Variants in FMO5 observed in about 807,000 individuals in gnomAD.
FMO5 encodes flavin-containing monooxygenase 5.
Under a neutral mutation model 43.6 loss-of-function variants are expected in FMO5, and 51 were observed. That is an observed-to-expected ratio of 1.17 (90% CI 0.93 to 1.48). The LOEUF (loss-of-function observed/expected upper bound fraction) is 1.48, where lower values mean the gene tolerates loss of function less well. Ranked by LOEUF, FMO5 falls within the 40% of genes most tolerant of loss-of-function variation. The pLI is 0.00. For missense variants in FMO5, 644 were observed against 643.0 expected (o/e 1.00, Z -0.02); for synonymous variants, 187 against 216.5 (o/e 0.86, Z 1.20).
chr1:147,208,961 T>G lies in FMO5; in HGVS notation c.721A>C (p.Thr241Pro), dbSNP rs782348340. The G allele has an allele frequency of 6.2e-7, 1 of 1,613,982 alleles. No homozygotes were observed. The highest frequency in any genetic ancestry group is 1.1e-5 in the South Asian group (1 of 91,084). ...PADVLFSSRL[T>P]HFIWKICGQS... is the part of the protein sequence containing the mutation. ...CCACAGATCTTCCATATAAAATGTGTAAGTCGAGAAGAGAACAACACATCA... is the reference window on the plus strand; with the variant it reads ...CCACAGATCTTCCATATAAAATGTGGAAGTCGAGAAGAGAACAACACATCA... The change falls in exon 6 of 9, where the codon ACA becomes CCA. Residue 241 changes from threonine to proline, a missense_variant. Transcript: ENST00000254090.
chr1:147,224,927 T>C lies in FMO5; in HGVS notation c.103A>G (p.Thr35Ala). 1.2e-6 allele frequency: 2 copies of C among 1,614,050 alleles called. No homozygotes were observed. The highest frequency in any genetic ancestry group is 1.7e-6 in the Non-Finnish European group (2 of 1,179,996). The change falls in exon 2 of 9, where the codon ACT becomes GCT. Residue 35 changes from threonine (T) to alanine (A), a missense_variant. Transcript: ENST00000254090. ...EGLEPVCFER[T>A]DDIGGLWRFQ... Reference sequence around the variant, plus strand: ...CTCCAGAGCCCTCCGATGTCATCAGTCCTTTCAAAGCAGACAGGTTCCAAG... The same window carrying C: ...CTCCAGAGCCCTCCGATGTCATCAGCCCTTTCAAAGCAGACAGGTTCCAAG...
At chr1:147,185,186 T>C (rs1553916801), downstream of FMO5, among the ~76,000 whole-genome samples, 1 of 151,640 alleles carries the variant, frequency 6.6e-6, no homozygotes. Context: ...TTTTTTTTTG[T>C]AACCTTGCAT....
At chr1:147,220,578 G>A (rs1420941348) in intron 2 of FMO5, among the ~76,000 whole-genome samples, 2 of 152,222 alleles carry the variant, frequency 1.3e-5, no homozygotes, top group Non-Finnish European at 2.9e-5. Flanking sequence ...ACTTTACAGT[G>A]TGGCAAAAAC....
chr1:147,192,549 T>C (rs1463152661), intron 7 of FMO5, among the ~76,000 whole-genome samples: 2 of 151,858 alleles, frequency 1.3e-5, no homozygotes, highest in African/African-American at 4.9e-5. Context: ...CAACACTCTG[T>C]TGAATAGGAG....
intron 5 of FMO5, chr1:147,210,006 TATC>T (rs1443651701): frequency 6.6e-6 from 1 of 152,248 alleles, no homozygotes; most frequent in African/African-American, 2.4e-5. Context: ...CACAGCAGAT[TATC>T]ATCACTTCCA....
intron 2 of FMO5, among the ~76,000 whole-genome samples, chr1:147,222,011 C>T (rs1239392362): frequency 2.0e-5 from 3 of 152,214 alleles, no homozygotes; most frequent in Non-Finnish European, 4.4e-5. Context: ...TCTCTACAAA[C>T]TCTATACACT....
intron 8 of FMO5, 121 bp downstream of exon 8, chr1:147,190,056 T>C (rs782740628): frequency 2.5e-5 from 16 of 631,024 alleles, no homozygotes; most frequent in Non-Finnish European, 3.2e-5. Flanking sequence ...TTTTCCTTTT[T>C]TCTTCATAAT....
At position 147,209,043 on chromosome 1, in the gene FMO5, G is replaced by A. The variant is rs781996202; in HGVS notation, c.639C>T (p.Leu213=). The change falls in exon 6 of 9, where the codon CTC becomes CTT. Residue 213 remains leucine (L), a synonymous_variant. Transcript: ENST00000254090. ...GGATCCAAGCCCCTCTCCTGGTGCTGAGGAAAACCTGGGGCATGGAAGAAA... is the reference window on the plus strand; with the variant it reads ...GGATCCAAGCCCCTCTCCTGGTGCTAAGGAAAACCTGGGGCATGGAAGAAA... ...EISQTAKQVF[L]STRRGAWILN... 4 of 1,613,404 alleles carry A rather than the reference G, an allele frequency of 2.5e-6. No homozygotes were observed. The highest frequency in any genetic ancestry group is 3.3e-5 in the Admixed American group (2 of 59,924).
chr1:147,186,894 G>C lies in FMO5; in HGVS notation c.*6C>G, dbSNP rs1553917174. On this transcript the variant is annotated 3_prime_UTR_variant, in exon 9 of 9. Coordinates refer to ENST00000254090, the MANE Select transcript of FMO5 (RefSeq NM_001461.4). The stretch of plus-strand genomic sequence containing the variant: ...AATGAAAAACAGGGCAGTGACAATA[G>C]GACAACTAGAAGTAAGCTATAATTA... The C allele has an allele frequency of 6.2e-7, 1 of 1,606,852 alleles. No homozygotes were observed. Among genetic ancestry groups the C allele is most frequent in the Admixed American group, 1.7e-5 (1 of 59,640 alleles).
intron 7 of FMO5, among the ~76,000 whole-genome samples, chr1:147,194,918 T>C (rs1217459637): frequency 6.6e-6 from 1 of 152,036 alleles, no homozygotes; most frequent in African/African-American, 2.4e-5. Context: ...TAACCCGACC[T>C]TTCTCTCTGG....
chr1:147,209,012 G>T lies in FMO5; in HGVS notation c.670C>A (p.Arg224Ser), dbSNP rs782619685. The T allele has an allele frequency of 1.2e-6, 2 of 1,613,972 alleles. No individual in the cohort carries two copies. Among genetic ancestry groups the T allele is most frequent in the African/African-American group, 1.3e-5 (1 of 74,924 alleles). The change falls in exon 6 of 9, where the codon CGT (arginine) becomes AGT (serine). Residue 224 changes from arginine to serine, a missense_variant. Coordinates refer to ENST00000254090, the MANE Select transcript of FMO5 (RefSeq NM_001461.4). The stretch of plus-strand genomic sequence containing the variant: ...GCAGGATATCCGTAGTCCCCTACAC[G>T]ATTCAGGATCCAAGCCCCTCTCCTG... ...STRRGAWILN[R>S]VGDYGYPADV...
Position 147,212,539 on chromosome 1 carries a change from C to T in FMO5, c.488-4G>A. Reference sequence around the variant, plus strand: ...TGCCCTTTGAACTTCTCAATTCCTGCAAGAGAAGGGAAAATAATTATTGGG... The same window carrying T: ...TGCCCTTTGAACTTCTCAATTCCTGTAAGAGAAGGGAAAATAATTATTGGG... On this transcript the variant is annotated splice_region_variant and splice_polypyrimidine_tract_variant and intron_variant, in intron 4 of 8. Transcript: ENST00000254090. 1 of 1,609,226 alleles carries T rather than the reference C, an allele frequency of 6.2e-7. No homozygotes were observed. The highest frequency in any genetic ancestry group is 8.5e-7 in the Non-Finnish European group (1 of 1,177,990).
intron 7 of FMO5, among the ~76,000 whole-genome samples, chr1:147,191,529 T>C (rs1553918474): frequency 7.0e-6 from 1 of 143,818 alleles, no homozygotes; most frequent in East Asian, 2.0e-4. Context: ...TTTGATGGGG[T>C]TGTTTGTTTT....
At chr1:147,224,820 T>C (rs1663733083) in intron 2 of FMO5, 75 bp downstream of exon 2, 2 of 1,473,166 alleles carry the variant, frequency 1.4e-6, no homozygotes, top group Admixed American at 1.7e-5. Flanking sequence ...CACCTGACAC[T>C]GTTAAGATAA....
chr1:147,186,833 C>T lies in FMO5; in HGVS notation c.*67G>A, dbSNP rs1655693294. On this transcript the variant is annotated 3_prime_UTR_variant, in exon 9 of 9. Coordinates refer to ENST00000254090, the MANE Select transcript of FMO5 (RefSeq NM_001461.4). The stretch of plus-strand genomic sequence containing the variant: ...GCAATATGAAACTGAGAGTCAATCT[C>T]GTCAGATTCTGAAGGCATCTGTAGA... The T allele has an allele frequency of 6.5e-6, 10 of 1,531,162 alleles. No individual in the cohort carries two copies. Among genetic ancestry groups the T allele is most frequent in the African/African-American group, 4.1e-5 (3 of 72,328 alleles). 94.8% of individuals were successfully genotyped at this position (1,531,162 alleles called of 1,614,324 possible). A position where few individuals can be genotyped will look rare whatever the true frequency, so the allele number is the denominator to read the frequency against.
intron 5 of FMO5, chr1:147,210,951 C>G (rs1461526173): frequency 6.6e-6 from 1 of 152,106 alleles, no homozygotes; most frequent in Non-Finnish European, 1.5e-5. Flanking sequence ...CGAAAAACTT[C>G]CATGATATAC....
intron 6 of FMO5, among the ~76,000 whole-genome samples, chr1:147,205,762 A>T (rs1659888352): frequency 6.6e-6 from 1 of 152,198 alleles, no homozygotes; most frequent in Admixed American, 6.5e-5. Flanking sequence ...TACAAAAATT[A>T]ATTCAAAATG....
chr1:147,190,294 G>A (rs1656460484), intron 7 of FMO5, 45 bp from the exon 8 acceptor site: 2 of 1,169,330 alleles, frequency 1.7e-6, no homozygotes, highest in Admixed American at 1.8e-5. Flanking sequence ...TACCTCAGAA[G>A]GAACAATAAT....
Position 147,213,637 on chromosome 1 carries a change from T to C in FMO5, c.325-167A>G, listed in dbSNP as rs1292286204. Among the ~76,000 whole-genome samples the C allele has an allele frequency of 2.0e-5, 3 of 152,172 alleles. No individual in the cohort carries two copies. The East Asian group carries it at 5.8e-4, about 29-fold the overall frequency. Reference sequence around the variant, plus strand: ...GAACTGTTTGGGGCTGTAGTCAGAATGAGAAAATTTCCACAAGACAGAAAA... The same window carrying C: ...GAACTGTTTGGGGCTGTAGTCAGAACGAGAAAATTTCCACAAGACAGAAAA... On this transcript the variant is annotated intron_variant, in intron 3 of 8. Coordinates refer to ENST00000254090, the MANE Select transcript of FMO5 (RefSeq NM_001461.4).
Sources: allele counts gnomAD v4.1 joint callset (sites outside exome capture counted in the v4.1 genomes callset), GRCh38; gene constraint gnomAD v4.1.1; transcripts MANE v1.5; gene names NCBI Gene and HGNC (gene_info 2026-07-23, HGNC 2026-07-21).